Variants in DNAJC24 observed in about 807,000 individuals in gnomAD.
DNAJC24 encodes the protein DnaJ heat shock protein family (Hsp40) member C24.
A neutral mutation model predicts 18.0 loss-of-function variants in DNAJC24; 17 were observed. That is an observed-to-expected ratio of 0.94 (90% CI 0.65 to 1.42). DNAJC24 has a LOEUF of 1.42. DNAJC24 is among the 40% of genes most tolerant of loss of function. The probability of loss-of-function intolerance (pLI) is 0.00; values close to 1 mark genes in which losing one functional copy is unlikely to be tolerated. For synonymous variants in DNAJC24, 55 were observed against 57.7 expected (o/e 0.95, Z 0.21); for missense variants, 158 against 175.6 (o/e 0.90, Z 0.57).
chr11:31,394,349 A>G (rs1364920556), intron 2 of DNAJC24, among the ~76,000 whole-genome samples: 1 of 152,216 alleles, frequency 6.6e-6, no homozygotes, highest in Non-Finnish European at 1.5e-5. Flanking sequence ...CAAGTTTTTC[A>G]CCACTCTGCA....
At chr11:31,380,950 C>T (rs1952371023) in intron 2 of DNAJC24, among the ~76,000 whole-genome samples, 1 of 152,086 alleles carries the variant, frequency 6.6e-6, no homozygotes, top group Non-Finnish European at 1.5e-5. Flanking sequence ...ATTAATTTAT[C>T]CCTTCACCCA....
chr11:31,387,085 A>G (rs1046122743), intron 2 of DNAJC24, among the ~76,000 whole-genome samples: 4 of 152,172 alleles, frequency 2.6e-5, no homozygotes, highest in Admixed American at 2.0e-4. Context: ...CTACAGTACA[A>G]TAGAGCACCA....
intron 2 of DNAJC24, among the ~76,000 whole-genome samples, chr11:31,413,671 G>A (rs1191341066): frequency 6.6e-6 from 1 of 152,084 alleles, no homozygotes; most frequent in Admixed American, 6.6e-5. Flanking sequence ...TTTTCATGGT[G>A]AGCTTCTCCA....
chr11:31,391,670 C>T (rs1952497825), intron 2 of DNAJC24, among the ~76,000 whole-genome samples: 1 of 152,130 alleles, frequency 6.6e-6, no homozygotes, highest in Non-Finnish European at 1.5e-5. Flanking sequence ...TAAATTAGTG[C>T]AACCAGTATG....
rs1400807694 is a variant in DNAJC24, at chr11:31,430,446, G to C, written c.*45G>C. The C allele has an allele frequency of 2.0e-6, 3 of 1,537,202 alleles. No homozygotes were observed. The highest frequency in any genetic ancestry group is 2.5e-5 in the South Asian group (2 of 81,368). On this transcript the variant is annotated 3_prime_UTR_variant, in exon 5 of 5. Coordinates refer to ENST00000465995, the MANE Select transcript of DNAJC24 (RefSeq NM_181706.5). Reference sequence around the variant, plus strand: ...TGCTTTAACTGTGGTATTGAGACATGATGAGAAGCCGTTGAGCTTTGTCCA... The same window carrying C: ...TGCTTTAACTGTGGTATTGAGACATCATGAGAAGCCGTTGAGCTTTGTCCA...
Position 31,414,876 on chromosome 11 carries a change from C to G in DNAJC24, c.177C>G (p.Phe59Leu), listed in dbSNP as rs1591918411. Reference sequence around the variant, plus strand: ...CAGTGGAGGAATGTGTACAGAAGTTCATCGAAATTGATCAAGCATGGAAAA... The same window carrying G: ...CAGTGGAGGAATGTGTACAGAAGTTGATCGAAATTGATCAAGCATGGAAAA... ...AGTVEECVQK[F>L]IEIDQAWKIL... The change falls in exon 3 of 5, where the codon TTC (phenylalanine) becomes TTG (leucine). Residue 59 changes from phenylalanine (F) to leucine (L), a missense_variant. Physicochemically the swap from Phe to Leu is conservative, Grantham distance 22. Coordinates refer to ENST00000465995, the MANE Select transcript of DNAJC24 (RefSeq NM_181706.5). 2.5e-6 allele frequency: 4 copies of G among 1,613,858 alleles called. No individual in the cohort carries two copies. The highest frequency in any genetic ancestry group is 1.3e-5 in the African/African-American group (1 of 74,888).
chr11:31,413,411 A>G (rs1228091938), intron 2 of DNAJC24, among the ~76,000 whole-genome samples: 1 of 149,188 alleles, frequency 6.7e-6, no homozygotes, highest in Non-Finnish European at 1.5e-5. Flanking sequence ...GCTCACTGCA[A>G]GCTCTGCCTC....
chr11:31,405,377 T>G (rs79451205), intron 2 of DNAJC24, among the ~76,000 whole-genome samples: 1 of 150,594 alleles, frequency 6.6e-6, no homozygotes, highest in Non-Finnish European at 1.5e-5. Context: ...GCCAGGAATT[T>G]TTTTTTTTTT....
chr11:31,372,004 G>T (rs1952268851), intron 2 of DNAJC24, among the ~76,000 whole-genome samples: 1 of 151,368 alleles, frequency 6.6e-6, no homozygotes, highest in Non-Finnish European at 1.5e-5. Context: ...TATATTTTTA[G>T]TAGAGACAGG....
chr11:31,409,482 T>A (rs1952685973), intron 2 of DNAJC24, among the ~76,000 whole-genome samples: 1 of 152,242 alleles, frequency 6.6e-6, no homozygotes, highest in South Asian at 2.1e-4. Flanking sequence ...TGGGATTTCA[T>A]GTTCATGTAA....
chr11:31,414,712 A>G (rs1480704988), intron 2 of DNAJC24, 99 bp from the exon 3 acceptor site: 3 of 1,321,582 alleles, frequency 2.3e-6, no homozygotes, highest in East Asian at 2.4e-5. Context: ...TCATCTTCTC[A>G]TTACCTTCTT....
chr11:31,395,129 A>T (rs1952532581), intron 2 of DNAJC24, among the ~76,000 whole-genome samples: 1 of 152,196 alleles, frequency 6.6e-6, no homozygotes, highest in Admixed American at 6.5e-5. Context: ...GAGAACATGC[A>T]GTACTTGGTT....
At chr11:31,371,208 T>C (rs515591) in intron 2 of DNAJC24, among the ~76,000 whole-genome samples, 63,545 of 152,052 alleles carry the variant, frequency 0.42, 14,237 homozygotes, top group African/African-American at 0.57. Context: ...CAACAGTAGC[T>C]ACTAGCCACA....
intron 2 of DNAJC24, among the ~76,000 whole-genome samples, chr11:31,405,110 T>C: frequency 6.6e-6 from 1 of 150,946 alleles, no homozygotes; most frequent in Non-Finnish European, 1.5e-5. Flanking sequence ...CTCCACTCTG[T>C]TGCTCAGGCA....
intron 3 of DNAJC24, chr11:31,416,958 T>G (rs970338546): frequency 6.6e-6 from 1 of 152,172 alleles, no homozygotes; most frequent in Non-Finnish European, 1.5e-5. Context: ...AGGGTACTCC[T>G]GTAGGTCATA....
intron 2 of DNAJC24, among the ~76,000 whole-genome samples, chr11:31,377,183 T>A (rs1445222100): frequency 6.6e-6 from 1 of 152,122 alleles, no homozygotes; most frequent in Non-Finnish European, 1.5e-5. Flanking sequence ...GACTTTGAAT[T>A]TAACACCTCC....
intron 2 of DNAJC24, among the ~76,000 whole-genome samples, chr11:31,379,770 T>G (rs1448869843): frequency 6.6e-6 from 1 of 152,072 alleles, no homozygotes; most frequent in Non-Finnish European, 1.5e-5. Context: ...TTTTTTTTTT[T>G]CTTTTGAGAC....
At chr11:31,425,073 ATT>A (rs1468287324) in intron 3 of DNAJC24, among the ~76,000 whole-genome samples, 2 of 151,968 alleles carry the variant, frequency 1.3e-5, no homozygotes, top group Non-Finnish European at 2.9e-5. Context: ...CCCATCTTTG[ATT>A]GCCATCTTTG....
rs1002297815 is a variant in DNAJC24 at position 31,430,430 on chromosome 11, TG to T, written c.*30del. On this transcript the variant is annotated 3_prime_UTR_variant, in exon 5 of 5. Coordinates refer to ENST00000465995, the MANE Select transcript of DNAJC24 (RefSeq NM_181706.5). ...TGTTCACAACTTGAAATGCTTTAAC[TG>T]TGGTATTGAGACATGATGAGAAGCC... 1.9e-6 allele frequency: 3 copies of T among 1,586,800 alleles called. No individual in the cohort carries two copies. Among genetic ancestry groups the T allele is most frequent in the Non-Finnish European group, 2.6e-6 (3 of 1,163,160 alleles).
Sources: allele counts gnomAD v4.1 joint callset (sites outside exome capture counted in the v4.1 genomes callset), GRCh38; gene constraint gnomAD v4.1.1; transcripts MANE v1.5; gene names NCBI Gene and HGNC (gene_info 2026-07-23, HGNC 2026-07-21).